ROBO4: variants seen among roughly 807,000 people sequenced by gnomAD.
The protein encoded by ROBO4 is roundabout guidance receptor 4, also known as roundabout homolog 4.
In ROBO4, 80 loss-of-function variants were observed where a neutral mutation model predicts 103.3. The observed-to-expected ratio is 0.77, with a 90% CI of 0.65 to 0.93. The LOEUF (loss-of-function observed/expected upper bound fraction) is 0.93, where lower values mean the gene tolerates loss of function less well. ROBO4 is among the 40% of genes least tolerant of loss of function. ROBO4 has a pLI of 0.00. For synonymous variants in ROBO4, 504 were observed against 529.7 expected (o/e 0.95, Z 0.67); for missense variants, 1,333 against 1,305.3 (o/e 1.02, Z -0.33).
intron 1 of ROBO4, chr11:124,897,509 C>T: frequency 3.4e-6 from 2 of 585,688 alleles, no homozygotes; most frequent in Non-Finnish European, 6.1e-6. Flanking sequence ...TTCTCTCTTT[C>T]TTTCTTTCTC....
At chr11:124,896,168 GCT>G in intron 4 of ROBO4, 28 bp downstream of exon 4, 4 of 1,610,820 alleles carry the variant, frequency 2.5e-6, no homozygotes, top group Non-Finnish European at 8.5e-7. Context: ...CTGCAGCCTG[GCT>G]CTGATTGTAG....
chr11:124,895,181 G>GGGGCACT lies in ROBO4; in HGVS notation c.1042_1048dup (p.Pro350GlnfsTer26). On this transcript the variant is annotated frameshift_variant, in exon 7 of 18. Transcript: ENST00000306534. LOFTEE classifies it high-confidence loss of function. ...AGGCTTTAGAGTCACTTCCTGAGGT[G>GGGGCACT]GGGCACTGGGCACTGGAGGGGTGGA... 3.1e-6 allele frequency: 5 copies of GGGGCACT among 1,613,746 alleles called. No homozygotes were observed. Among genetic ancestry groups the GGGGCACT allele is most frequent in the Middle Eastern group, 1.7e-4 (1 of 6,054 alleles).
At chr11:124,894,089 T>C in intron 8 of ROBO4, 44 bp from the exon 9 acceptor site, 1 of 1,543,458 alleles carries the variant, frequency 6.5e-7, no homozygotes, top group African/African-American at 1.4e-5. Context: ...GTCGAGGCAT[T>C]GAGGGCCTGG....
Position 124,887,183 on chromosome 11 carries a change from G to A in ROBO4, c.2229C>T (p.Ser743=). ...GGATGGGGGCTGCTGGCAGCAGGAT[G>A]GAGGAGGGAGCCTGTGGTGCCACCG... is the stretch of plus-strand genomic sequence containing the variant. ...QPPVAPQAPS[S]ILLPAAPIPI... Residue 743 remains serine (S), a synonymous_variant, in exon 15 of 18, where the codon TCC becomes TCT. Coordinates refer to ENST00000306534, the MANE Select transcript of ROBO4 (RefSeq NM_019055.6). 1 of 1,600,826 alleles carries A rather than the reference G, an allele frequency of 6.2e-7. No homozygotes were observed. Among genetic ancestry groups the A allele is most frequent in the Non-Finnish European group, 8.5e-7 (1 of 1,172,352 alleles).
intron 2 of ROBO4, 64 bp from the exon 3 acceptor site, chr11:124,896,734 C>G: frequency 6.4e-7 from 1 of 1,559,200 alleles, no homozygotes; most frequent in Non-Finnish European, 8.7e-7. Flanking sequence ...CCTTATCACT[C>G]TTGCCCCCTT....
In ROBO4 at chr11:124,886,906, C is replaced by T. The variant is rs1017895693; in HGVS notation, c.2435+71G>A. On this transcript the variant is annotated intron_variant, in intron 15 of 17. Transcript: ENST00000306534. The stretch of plus-strand genomic sequence containing the variant: ...CAGAAAAGCCCCAGTTGAGGGAGGG[C>T]GGAATGGGTGGAGAGGCGCTTGCCC... The T allele has an allele frequency of 1.1e-5, 17 of 1,542,376 alleles. 1 individual carries two copies. Among genetic ancestry groups the T allele is most frequent in the East Asian group, 4.5e-5 (2 of 44,124 alleles).
At chr11:124,885,010 G>GA (rs1946687544) in intron 17 of ROBO4, 31 bp downstream of exon 17, 1 of 1,613,608 alleles carries the variant, frequency 6.2e-7, no homozygotes, top group Admixed American at 1.7e-5. Flanking sequence ...TGGTCAAGAT[G>GA]AACACATTAG....
chr11:124,891,687 G>T lies in ROBO4; in HGVS notation c.1663C>A (p.Pro555Thr). 1 of 1,614,198 alleles carries T rather than the reference G, an allele frequency of 6.2e-7. No homozygotes were observed. The highest frequency in any genetic ancestry group is 1.1e-5 in the South Asian group (1 of 91,086). Reference sequence around the variant, plus strand: ...TCACAGGAGCGACGACAGTCTAGTGGGTCCCGGGCATCCGCCCCCAGCCGA... The same window carrying T: ...TCACAGGAGCGACGACAGTCTAGTGTGTCCCGGGCATCCGCCCCCAGCCGA... Reference protein sequence around the residue: ...SSRLGADARDPLDCRRSLLSW... With the variant: ...SSRLGADARDTLDCRRSLLSW... Residue 555 changes from proline (P) to threonine (T), a missense_variant, in exon 11 of 18, where the codon CCA becomes ACA. Physicochemically the swap from Pro to Thr is conservative, Grantham distance 38. Transcript: ENST00000306534.
At chr11:124,896,908 T>C in intron 2 of ROBO4, 24 bp downstream of exon 2, 1 of 1,602,790 alleles carries the variant, frequency 6.2e-7, no homozygotes, top group Non-Finnish European at 8.5e-7. Flanking sequence ...TGCCCCACCC[T>C]GAAGCTCCCC....
intron 7 of ROBO4, among the ~76,000 whole-genome samples, chr11:124,894,793 C>A (rs545883288): frequency 9.2e-5 from 14 of 152,188 alleles, no homozygotes; most frequent in Non-Finnish European, 1.8e-4. Flanking sequence ...TGACTCACAG[C>A]CTGGTTTGAT....
intron 8 of ROBO4, 46 bp downstream of exon 8, chr11:124,894,155 G>T (rs553912942): frequency 3.2e-6 from 5 of 1,571,418 alleles, no homozygotes; most frequent in Non-Finnish European, 4.3e-6. Flanking sequence ...GAGGAAGGCG[G>T]GATGCAGGCT....
Position 124,895,184 on chromosome 11 carries a change from G to T in ROBO4, c.1046C>A (p.Ala349Asp), listed in dbSNP as rs138607370. The change falls in exon 7 of 18, where the codon GCC becomes GAC. Residue 349 changes from alanine to aspartate, a missense_variant. Physicochemically the swap from Ala to Asp is moderately radical, Grantham distance 126. Transcript: ENST00000306534. ...LLRLPEKVPS[A>D]PPQEVTLKPG... ...CTTTAGAGTCACTTCCTGAGGTGGG[G>T]CACTGGGCACTGGAGGGGTGGAAGA... 1.2e-6 allele frequency: 2 copies of T among 1,612,968 alleles called. No individual in the cohort carries two copies. Among genetic ancestry groups the T allele is most frequent in the Middle Eastern group, 1.7e-4 (1 of 6,038 alleles).
chr11:124,886,822 C>A lies in ROBO4; in HGVS notation c.2436G>T (p.Arg812Ser). Residue 812 changes from arginine (R) to serine (S), a missense_variant and splice_region_variant, in exon 16 of 18, where the codon AGG becomes AGT. Coordinates refer to ENST00000306534, the MANE Select transcript of ROBO4 (RefSeq NM_019055.6). ...CCCTTGGCATGGGAGAGACGCTGTT[C>A]CTAGGGAGAGGCAAAAGGGGAGACA... ...LELSEGEETP[R>S]NSVSPMPRAP... 6.5e-7 allele frequency: 1 copy of A among 1,531,578 alleles called. No individual in the cohort carries two copies. Among genetic ancestry groups the A allele is most frequent in the African/African-American group, 1.4e-5 (1 of 72,490 alleles). 94.9% of individuals were successfully genotyped at this position (1,531,578 alleles called of 1,614,324 possible). A position where few individuals can be genotyped will look rare whatever the true frequency, so the allele number is the denominator to read the frequency against.
chr11:124,891,526 A>G lies in ROBO4; in HGVS notation c.1721T>C (p.Leu574Pro). 1.9e-6 allele frequency: 3 copies of G among 1,614,216 alleles called. No homozygotes were observed. The highest frequency in any genetic ancestry group is 2.5e-6 in the Non-Finnish European group (3 of 1,180,036). Residue 574 changes from leucine to proline, a missense_variant, in exon 12 of 18, where the codon CTG becomes CCG. Physicochemically the swap from Leu to Pro is moderately conservative, Grantham distance 98. Coordinates refer to ENST00000306534, the MANE Select transcript of ROBO4 (RefSeq NM_019055.6). The stretch of plus-strand genomic sequence containing the variant: ...ATAAAAAGTGCTGGTGTCTGGAAGC[A>G]GGGGCACGCCGGGGCTTCGGGAGTC... ...SWDSRSPGVP[L>P]LPDTSTFYGS...
chr11:124,893,623 T>C (rs1443292862), intron 10 of ROBO4, 65 bp downstream of exon 10: 11 of 1,457,688 alleles, frequency 7.5e-6, no homozygotes, highest in Non-Finnish European at 1.1e-5. Flanking sequence ...TCCATTCTTC[T>C]CTGTTGCAGC....
rs55941905 is a variant in ROBO4 at position 124,897,790 on chromosome 11, G to T, written c.6C>A (p.Gly2=). ...CCCCCAGGAGGCTGTCTCCTCCAGA[G>T]CCCATGGCTACTCTCAGCCCTATGT... The part of the protein sequence containing the change: M[G]SGGDSLLGGR... The change falls in exon 1 of 18, where the codon GGC becomes GGA. Residue 2 remains glycine, a synonymous_variant. Transcript: ENST00000306534. 57,282 of 1,612,162 alleles carry T rather than the reference G, an allele frequency of 0.036. 1,292 individuals are homozygous for T. Among genetic ancestry groups the T allele is most frequent in the East Asian group, 0.075 (3,371 of 44,808 alleles).
In ROBO4 at chr11:124,896,618, A is replaced by G; in HGVS notation, c.453T>C (p.Gly151=). The G allele has an allele frequency of 3.1e-6, 5 of 1,613,918 alleles. No homozygotes were observed. The part of the protein sequence containing the change: ...IQPRDMVAVV[G]EQFTLECGPP... ...GCCCACATTCCAGAGTAAACTGCTC[A>G]CCCACCACAGCCACCATGTCCCGAG... Residue 151 remains glycine (G), a synonymous_variant, in exon 3 of 18, where the codon GGT becomes GGC. Coordinates refer to ENST00000306534, the MANE Select transcript of ROBO4 (RefSeq NM_019055.6).
chr11:124,895,106 T>G lies in ROBO4; in HGVS notation c.1124A>C (p.His375Pro). 6.2e-7 allele frequency: 1 copy of G among 1,614,082 alleles called. No individual in the cohort carries two copies. Among genetic ancestry groups the G allele is most frequent in the Non-Finnish European group, 8.5e-7 (1 of 1,179,968 alleles). ...CTGGTAGCCACGGATGATGCCATTG[T>G]GGTTTTCAGCAGGTGGTGGGACCCA... ...VSWVPPPAENHNGIIRGYQVW... is the reference protein window; with the variant it reads ...VSWVPPPAENPNGIIRGYQVW... Residue 375 changes from histidine to proline, a missense_variant, in exon 7 of 18, where the codon CAC (histidine) becomes CCC (proline). Physicochemically the swap from His to Pro is moderately conservative, Grantham distance 77. Transcript: ENST00000306534.
intron 4 of ROBO4, 137 bp from the exon 5 acceptor site, chr11:124,896,049 T>C (rs1946883285): frequency 8.5e-6 from 13 of 1,523,418 alleles, no homozygotes; most frequent in Non-Finnish European, 1.2e-5. Context: ...TTCCGATTTC[T>C]ACTCTAGCAG....
Sources: gnomAD v4.1 joint callset for allele counts (sites outside exome capture counted in the v4.1 genomes callset) on GRCh38, gnomAD v4.1.1 for gene constraint, MANE v1.5 for transcripts, NCBI Gene and HGNC (gene_info 2026-07-23, HGNC 2026-07-21) for gene names.